Variants in CACNA1A observed in about 807,000 individuals in gnomAD.
The protein encoded by CACNA1A is calcium voltage-gated channel subunit alpha1 A, also known as voltage-dependent P/Q-type calcium channel subunit alpha-1A.
CACNA1A carries 57 observed loss-of-function variants against 262.4 expected under a neutral mutation model. That is an observed-to-expected ratio of 0.22 (90% CI 0.18 to 0.27). CACNA1A has a LOEUF of 0.27. CACNA1A is among the 10% of genes least tolerant of loss of function. The pLI, the probability that CACNA1A is intolerant of heterozygous loss-of-function variation, is 1.00. For missense variants in CACNA1A, 2,526 were observed against 3,562.8 expected (o/e 0.71, Z 7.41); for synonymous variants, 1,431 against 1,419.3 (o/e 1.01, Z -0.18).
chr19:13,320,241 A>T (rs1027874960), intron 10 of CACNA1A, among the ~76,000 whole-genome samples: 142 of 136,720 alleles, frequency 1.0e-3, no homozygotes, highest in African/African-American at 3.7e-3. Flanking sequence ...ACAGATCGAG[A>T]GAGAGAGAGA....
intron 19 of CACNA1A, among the ~76,000 whole-genome samples, chr19:13,294,173 C>CAT (rs2144927584): frequency 7.0e-6 from 1 of 143,708 alleles, no homozygotes; most frequent in East Asian, 2.0e-4. Context: ...TACTGCAATC[C>CAT]AACCTGGGCA....
chr19:13,369,013 G>T (rs1204476972), intron 4 of CACNA1A, among the ~76,000 whole-genome samples: 1 of 124,002 alleles, frequency 8.1e-6, no homozygotes, highest in Non-Finnish European at 1.5e-5. Context: ...ACTCCAGCCT[G>T]GGCGACAGAG....
rs2054599396 is a variant in CACNA1A, at chr19:13,207,226, G to C, written c.*87C>G. 7.4e-7 allele frequency: 1 copy of C among 1,355,282 alleles called. No individual in the cohort carries two copies. The highest frequency in any genetic ancestry group is 3.1e-5 in the Admixed American group (1 of 32,682). The allele number at this position is 1,355,282 out of a possible 1,614,324, so 84.0% of individuals were successfully genotyped here. A position where few individuals can be genotyped will look rare whatever the true frequency, so the allele number is the denominator to read the frequency against. On this transcript the variant is annotated 3_prime_UTR_variant, in exon 47 of 47. Transcript: ENST00000360228. This position sits in a 1 kb window ranked among gnomAD's most constrained non-coding sequence, Gnocchi z 5.7. ...GGCCCTCTCCCGGGCCCTCTGTGCTGGGCCCCCGCGGCCTCTGCGCGGCTC... is the reference window on the plus strand; with the variant it reads ...GGCCCTCTCCCGGGCCCTCTGTGCTCGGCCCCCGCGGCCTCTGCGCGGCTC...
Position 13,224,822 on chromosome 19 carries a change from G to T in CACNA1A, c.5626-50C>A, listed in dbSNP as rs767564110. 1.6e-5 allele frequency: 23 copies of T among 1,426,528 alleles called. No homozygotes were observed. The East Asian group carries it at 2.4e-4, about 15-fold the overall frequency. The allele number at this position is 1,426,528 out of a possible 1,614,324, so 88.4% of individuals were successfully genotyped here. ...AGTCATTCCCAGGCATCCCTCCTGG[G>T]TCTCCCGTGAGCCGCGCCCGCCCCT... On this transcript the variant is annotated intron_variant, in intron 37 of 46. Transcript: ENST00000360228.
At chr19:13,234,702 G>A (rs368257347) in intron 34 of CACNA1A, 19 of 538,468 alleles carry the variant, frequency 3.5e-5, no homozygotes, top group East Asian at 2.5e-4. Flanking sequence ...AGGAGGGCAC[G>A]CCCCCTATCG....
rs1175548234 is a variant in CACNA1A, at chr19:13,236,443, T to C, written c.4951-713A>G. The C allele has an allele frequency of 6.5e-6, 1 of 153,172 alleles. No individual in the cohort carries two copies. Among genetic ancestry groups the C allele is most frequent in the Non-Finnish European group, 1.5e-5 (1 of 68,426 alleles). 9.5% of individuals were successfully genotyped at this position (153,172 alleles called of 1,614,324 possible). ...TTGGGAGAAGCGGAAGAGCATCTTT[T>C]CTTACCCCCTTGGCGAGCGGGAATG... is the stretch of plus-strand genomic sequence containing the variant. On this transcript the variant is annotated intron_variant, in intron 31 of 46. Coordinates refer to ENST00000360228, the MANE Select transcript of CACNA1A (RefSeq NM_001127222.2). This position sits in a 1 kb window ranked among gnomAD's most constrained non-coding sequence, Gnocchi z 4.6.
intron 3 of CACNA1A, among the ~76,000 whole-genome samples, chr19:13,399,403 A>G (rs2059861789): frequency 7.0e-6 from 1 of 143,578 alleles, no homozygotes; most frequent in South Asian, 2.1e-4. Context: ...TGAGAAGAAG[A>G]AGAAGAAGAA....
intron 31 of CACNA1A, among the ~76,000 whole-genome samples, chr19:13,240,631 T>C (rs1309322118): frequency 2.7e-5 from 4 of 150,894 alleles, no homozygotes; most frequent in African/African-American, 9.8e-5. Flanking sequence ...GCAGTGTGTG[T>C]GCAGTGTCTG....
At chr19:13,253,135 C>A in intron 29 of CACNA1A, 34 bp from the exon 30 acceptor site, 3 of 1,398,558 alleles carry the variant, frequency 2.1e-6, no homozygotes, top group Non-Finnish European at 3.0e-6. Context: ...CAGGGGTCAG[C>A]GAGCAGGGGT....
At chr19:13,287,780 G>A (rs2057438330) in intron 19 of CACNA1A, among the ~76,000 whole-genome samples, 1 of 149,948 alleles carries the variant, frequency 6.7e-6, no homozygotes, top group Non-Finnish European at 1.5e-5. Context: ...GAGATTACAG[G>A]TGTGAGCCAC....
intron 4 of CACNA1A, among the ~76,000 whole-genome samples, chr19:13,369,104 A>C (rs1443846903): frequency 6.6e-6 from 1 of 151,656 alleles, no homozygotes; most frequent in Admixed American, 6.6e-5. Context: ...GCAGTGGTTA[A>C]GGTGCTGGAT....
At chr19:13,472,907 A>G (rs1978288613) in intron 1 of CACNA1A, among the ~76,000 whole-genome samples, 1 of 152,108 alleles carries the variant, frequency 6.6e-6, no homozygotes, top group Non-Finnish European at 1.5e-5. Flanking sequence ...TCAAGATGAG[A>G]TTGTCCTGGA....
intron 30 of CACNA1A, among the ~76,000 whole-genome samples, chr19:13,248,433 AGAG>A (rs1470282012): frequency 4.9e-5 from 7 of 143,268 alleles, no homozygotes; most frequent in East Asian, 2.0e-4. Context: ...AAAAAAAAAA[AGAG>A]AAAGCAGAGG....
In CACNA1A at chr19:13,234,983, C is replaced by G; in HGVS notation, c.5187G>C (p.Glu1729Asp). ...DVEDEDSDED[E>D]FQITEHNNFR... ...AGTTATTGTGCTCAGTGATTTGGAA[C>G]TCATCTTCATCACTGTCCTCGTCCT... is the stretch of plus-strand genomic sequence containing the variant. Residue 1729 changes from glutamate (E) to aspartate (D), a missense_variant, in exon 34 of 47, where the codon GAG becomes GAC. By Grantham distance (45) the Glu-to-Asp change is conservative (BLOSUM62 2). This residue lies in a region of CACNA1A where 17 missense variants were observed against 16.5 expected (regional missense o/e 1.03). Coordinates refer to ENST00000360228, the MANE Select transcript of CACNA1A (RefSeq NM_001127222.2). The G allele has an allele frequency of 1.2e-6, 2 of 1,613,948 alleles. No homozygotes were observed. Among genetic ancestry groups the G allele is most frequent in the Non-Finnish European group, 1.7e-6 (2 of 1,179,810 alleles).
chr19:13,391,359 G>T (rs2059707536), intron 3 of CACNA1A, among the ~76,000 whole-genome samples: 1 of 152,028 alleles, frequency 6.6e-6, no homozygotes, highest in African/African-American at 2.4e-5. Flanking sequence ...ACTCACAGAA[G>T]GTCCTCCCAA....
At chr19:13,346,638 A>T (rs2058773432) in intron 6 of CACNA1A, among the ~76,000 whole-genome samples, 2 of 4,794 alleles carry the variant, frequency 4.2e-4, no homozygotes, top group Non-Finnish European at 4.1e-4. Flanking sequence ...ATATATATAT[A>T]TATATATATA....
chr19:13,359,745 G>A lies in CACNA1A; in HGVS notation c.839C>T (p.Thr280Ile), dbSNP rs1195270312. ...CTGACATTTGGTCCCATTGGGGCAG[G>A]TGCGGGCGGGCTCTTCTGTCCCACA... ...APCGTEEPAR[T>I]CPNGTKCQPY... Residue 280 changes from threonine to isoleucine, a missense_variant, in exon 6 of 47, where the codon ACC becomes ATC. Coordinates refer to ENST00000360228, the MANE Select transcript of CACNA1A (RefSeq NM_001127222.2). 5.1e-6 allele frequency: 8 copies of A among 1,564,398 alleles called. No individual in the cohort carries two copies. Among genetic ancestry groups the A allele is most frequent in the African/African-American group, 1.4e-5 (1 of 73,716 alleles).
At chr19:13,250,884 C>A (rs950388181) in intron 30 of CACNA1A, among the ~76,000 whole-genome samples, 3 of 152,036 alleles carry the variant, frequency 2.0e-5, no homozygotes, top group African/African-American at 7.2e-5. Context: ...GTAATCCCAG[C>A]ATTTTGGGAG....
intron 6 of CACNA1A, 56 bp from the exon 7 acceptor site, chr19:13,335,965 C>T: frequency 9.7e-7 from 1 of 1,036,032 alleles, no homozygotes; most frequent in Non-Finnish European, 1.5e-6. Context: ...CAGATAGAAC[C>T]TGACAGGTGA....
Sources: allele counts gnomAD v4.1 joint callset (sites outside exome capture counted in the v4.1 genomes callset), GRCh38; gene constraint gnomAD v4.1.1; regional missense constraint gnomAD v4.1.1; non-coding constraint Gnocchi (gnomAD v3.1); transcripts MANE v1.5; gene names NCBI Gene and HGNC (gene_info 2026-07-23, HGNC 2026-07-21).